The following FAF1 variants were observed in gnomAD, a reference collection of about 807,000 sequenced individuals.
FAF1 encodes the protein Fas associated factor 1.
Under a neutral mutation model 92.5 loss-of-function variants are expected in FAF1, and 25 were observed. The observed-to-expected ratio is 0.27, with a 90% CI of 0.20 to 0.38. FAF1 has a LOEUF of 0.38. Ranked by LOEUF, FAF1 falls within the 10% of genes least tolerant of loss-of-function variation. The pLI is 1.00. For synonymous variants in FAF1, 234 were observed against 273.2 expected (o/e 0.86, Z 1.42); for missense variants, 636 against 793.3 (o/e 0.80, Z 2.38).
At chr1:50,470,993 T>C (rs1018545828) in intron 18 of FAF1, 4 of 152,252 alleles carry the variant, frequency 2.6e-5, no homozygotes, top group Admixed American at 1.3e-4. Context: ...GTTTTGGATG[T>C]GTGTTTTTAC....
At chr1:50,925,107 C>T (rs1393269775) in intron 1 of FAF1, among the ~76,000 whole-genome samples, 1 of 152,138 alleles carries the variant, frequency 6.6e-6, no homozygotes, top group African/African-American at 2.4e-5. Context: ...TAAGAATACA[C>T]ATTGGGAAAA....
intron 15 of FAF1, among the ~76,000 whole-genome samples, chr1:50,510,664 A>T (rs533029158): frequency 6.6e-6 from 1 of 152,310 alleles, no homozygotes; most frequent in African/African-American, 2.4e-5. Flanking sequence ...TTCAGAAGAA[A>T]ATACTTAAAC....
intron 16 of FAF1, among the ~76,000 whole-genome samples, 169 bp from the exon 17 acceptor site, chr1:50,490,834 G>A (rs1646830908): frequency 6.6e-6 from 1 of 152,092 alleles, no homozygotes. Context: ...AATGTTTCTA[G>A]AACAAGAATG....
intron 1 of FAF1, among the ~76,000 whole-genome samples, chr1:50,881,046 T>A (rs1472528830): frequency 2.0e-5 from 3 of 152,170 alleles, no homozygotes; most frequent in Non-Finnish European, 2.9e-5. Flanking sequence ...TTGTAATTAG[T>A]CTGAGTGGGG....
chr1:50,518,810 A>T (rs1329063521), intron 15 of FAF1, among the ~76,000 whole-genome samples: 1 of 152,210 alleles, frequency 6.6e-6, no homozygotes, highest in Non-Finnish European at 1.5e-5. Flanking sequence ...CTGTATCATA[A>T]GTTAAATCTA....
rs1570137779 is a variant in FAF1, at chr1:50,917,607, A to T, written c.45+42160T>A. Among the ~76,000 whole-genome samples the T allele has an allele frequency of 2.0e-5, 3 of 150,358 alleles. 1 individual carries two copies. The Admixed American group carries it at 2.0e-4, about 10-fold the overall frequency. On this transcript the variant is annotated intron_variant, in intron 1 of 18. Coordinates refer to ENST00000396153, the MANE Select transcript of FAF1 (RefSeq NM_007051.3). ...GGAAAGGAAAAGAAAGGAAAAAGGA[A>T]AGGAAAAGGGAAAGGAAAAAGGAAA...
At chr1:50,885,031 C>G (rs1644647164) in intron 1 of FAF1, among the ~76,000 whole-genome samples, 1 of 152,010 alleles carries the variant, frequency 6.6e-6, no homozygotes. Flanking sequence ...AAATTACTTC[C>G]TTTAGATTTG....
At chr1:50,672,040 T>A (rs943559720) in intron 7 of FAF1, among the ~76,000 whole-genome samples, 1 of 150,366 alleles carries the variant, frequency 6.7e-6, no homozygotes, top group Admixed American at 6.6e-5. Context: ...TTTTATTATT[T>A]ATTTACTTAT....
chr1:50,872,151 G>A lies in FAF1; in HGVS notation c.46-14154C>T, dbSNP rs906607471. On this transcript the variant is annotated intron_variant, in intron 1 of 18. Transcript: ENST00000396153. Reference sequence around the variant, plus strand: ...ATAGTGATTCCTCTTATGGATCTGGGCAAAGTACACTGAAAACTTTCTGGA... The same window carrying A: ...ATAGTGATTCCTCTTATGGATCTGGACAAAGTACACTGAAAACTTTCTGGA... Among the ~76,000 whole-genome samples, 14 of 152,148 alleles carry A rather than the reference G, an allele frequency of 9.2e-5. 1 individual carries two copies. The highest frequency in any genetic ancestry group is 3.4e-4 in the African/African-American group (14 of 41,508).
At chr1:50,523,323 T>C (rs1430698633) in intron 15 of FAF1, among the ~76,000 whole-genome samples, 3 of 152,192 alleles carry the variant, frequency 2.0e-5, no homozygotes, top group Non-Finnish European at 4.4e-5. Context: ...TATATTTAAC[T>C]TTTTGAGTAG....
intron 3 of FAF1, among the ~76,000 whole-genome samples, chr1:50,798,252 A>T (rs1199146145): frequency 6.6e-6 from 1 of 152,228 alleles, no homozygotes; most frequent in Non-Finnish European, 1.5e-5. Flanking sequence ...TTTGAAAATA[A>T]ACATCTTCTC....
chr1:50,731,749 C>T (rs1658934718), intron 6 of FAF1, among the ~76,000 whole-genome samples: 1 of 152,028 alleles, frequency 6.6e-6, no homozygotes, highest in South Asian at 2.1e-4. Flanking sequence ...AGTTTTAGTA[C>T]CTAGCAATCT....
chr1:50,959,658 C>G (rs139243470), intron 1 of FAF1, 109 bp downstream of exon 1: 105 of 907,604 alleles, frequency 1.2e-4, no homozygotes, highest in Middle Eastern at 4.6e-4. Flanking sequence ...CGTATAAAAG[C>G]CTAAATGACA....
Position 50,441,981 on chromosome 1 carries a change from T to G in FAF1, c.1870-458A>C, listed in dbSNP as rs574056737. Reference sequence around the variant, plus strand: ...ATGGCCATTCCACCATGCCCAACGATGAAGATCTCCCCTGGTGAGGGGAGG... The same window carrying G: ...ATGGCCATTCCACCATGCCCAACGAGGAAGATCTCCCCTGGTGAGGGGAGG... On this transcript the variant is annotated intron_variant, in intron 18 of 18. Coordinates refer to ENST00000396153, the MANE Select transcript of FAF1 (RefSeq NM_007051.3). Among the ~76,000 whole-genome samples the G allele has an allele frequency of 4.0e-5, 6 of 151,766 alleles. No homozygotes were observed. In the South Asian group the frequency reaches 1.3e-3, roughly 32 times the overall value.
intron 1 of FAF1, among the ~76,000 whole-genome samples, chr1:50,911,494 G>T (rs1220928006): frequency 6.8e-6 from 1 of 147,286 alleles, no homozygotes; most frequent in South Asian, 2.2e-4. Context: ...TCAGGAGTTT[G>T]AGACCAGTCC....
chr1:50,922,606 G>T (rs1218954144), intron 1 of FAF1, among the ~76,000 whole-genome samples: 1 of 151,460 alleles, frequency 6.6e-6, no homozygotes, highest in East Asian at 1.9e-4. Context: ...ATCACCTGAG[G>T]TCAGGAGTTT....
At chr1:50,523,306 G>C (rs1340274916) in intron 15 of FAF1, among the ~76,000 whole-genome samples, 7 of 152,100 alleles carry the variant, frequency 4.6e-5, no homozygotes, top group Non-Finnish European at 7.4e-5. Context: ...GGTTCAAATG[G>C]TTACTCTATA....
chr1:50,819,692 C>CATATATATATACATATATATATATGT (rs1644016223), intron 2 of FAF1, among the ~76,000 whole-genome samples: 1 of 45,614 alleles, frequency 2.2e-5, no homozygotes, highest in African/African-American at 7.0e-5. Context: ...TATATATATA[C>CATATATATATACATATATATATATGT]ATATATATAT....
In FAF1 at chr1:50,761,990, G is replaced by A. The variant is rs1026569934; in HGVS notation, c.368-17215C>T. Among the ~76,000 whole-genome samples the A allele has an allele frequency of 3.7e-4, 57 of 152,218 alleles. 4 individuals are homozygous for A. The highest frequency in any genetic ancestry group is 1.3e-3 in the African/African-American group (56 of 41,542). On this transcript the variant is annotated intron_variant, in intron 4 of 18. Transcript: ENST00000396153. The stretch of plus-strand genomic sequence containing the variant: ...TAAGCTGATAAGCAACTTCAGCAAA[G>A]TCTCAGGATACAAAATCAATGTACA...
Sources: gnomAD v4.1 joint callset for allele counts (sites outside exome capture counted in the v4.1 genomes callset) on GRCh38, gnomAD v4.1.1 for gene constraint, MANE v1.5 for transcripts, NCBI Gene and HGNC (gene_info 2026-07-23, HGNC 2026-07-21) for gene names.